Variants in NRG3 observed in about 807,000 individuals in gnomAD.
NRG3 encodes the protein neuregulin 3.
A neutral mutation model predicts 66.9 loss-of-function variants in NRG3; 31 were observed. That is an observed-to-expected ratio of 0.46 (90% CI 0.35 to 0.63). The LOEUF (loss-of-function observed/expected upper bound fraction) is 0.63. Ranked by LOEUF, NRG3 falls within the 20% of genes least tolerant of loss-of-function variation. The pLI is 0.00. For synonymous variants in NRG3, 393 were observed against 359.4 expected, an observed-to-expected ratio of 1.09 and a Z score of -1.06; for missense variants, 910 against 878.9, an observed-to-expected ratio of 1.04 and a Z score of -0.45.
At chr10:82,815,623 T>C in intron 3 of NRG3, among the ~76,000 whole-genome samples, 1 of 152,072 alleles carries the variant, frequency 6.6e-6, no homozygotes, top group East Asian at 1.9e-4. Context: ...CATTGTAACA[T>C]GTGTATATGT....
At chr10:81,918,974 A>AATACACAC (rs1845976769) in intron 1 of NRG3, among the ~76,000 whole-genome samples, 1 of 150,070 alleles carries the variant, frequency 6.7e-6, no homozygotes, top group South Asian at 2.1e-4. Flanking sequence ...ATCATAACAA[A>AATACACAC]ACACACACAC....
chr10:82,590,485 C>T (rs757085001), intron 2 of NRG3, among the ~76,000 whole-genome samples: 1 of 152,158 alleles, frequency 6.6e-6, no homozygotes, highest in Non-Finnish European at 1.5e-5. Context: ...ATATTGCCTA[C>T]TCAAAATGTG....
At chr10:82,899,467 G>A (rs1374638202) in intron 4 of NRG3, among the ~76,000 whole-genome samples, 2 of 152,158 alleles carry the variant, frequency 1.3e-5, no homozygotes, top group Non-Finnish European at 2.9e-5. Context: ...TACATAAATA[G>A]TGAATTTTTA....
intron 2 of NRG3, among the ~76,000 whole-genome samples, chr10:82,425,042 T>C (rs1342559871): frequency 6.6e-6 from 1 of 152,126 alleles, no homozygotes; most frequent in Non-Finnish European, 1.5e-5. Context: ...GCTGTGTTGA[T>C]TACTGCAAGT....
chr10:82,273,337 A>G (rs1455100228), intron 1 of NRG3, among the ~76,000 whole-genome samples: 2 of 152,026 alleles, frequency 1.3e-5, no homozygotes, highest in Non-Finnish European at 2.9e-5. Context: ...AGTTCTGTGT[A>G]TCTAGTGCCA....
chr10:82,081,817 G>T (rs2065413442), intron 1 of NRG3, among the ~76,000 whole-genome samples: 1 of 152,144 alleles, frequency 6.6e-6, no homozygotes, highest in South Asian at 2.1e-4. Flanking sequence ...ATTTACATAA[G>T]GAATGGCTTT....
At chr10:81,892,985 A>G (rs1028179575) in intron 1 of NRG3, among the ~76,000 whole-genome samples, 1 of 152,184 alleles carries the variant, frequency 6.6e-6, no homozygotes, top group Admixed American at 6.5e-5. Flanking sequence ...AAAAGAACAC[A>G]GCTCTGAGCT....
At chr10:82,511,583 G>A (rs1319524238) in intron 2 of NRG3, among the ~76,000 whole-genome samples, 3 of 152,048 alleles carry the variant, frequency 2.0e-5, no homozygotes, top group African/African-American at 4.8e-5. Context: ...GGGAAGAGTG[G>A]CACCAGATAG....
chr10:82,330,495 T>C (rs2082091879), intron 1 of NRG3, among the ~76,000 whole-genome samples: 1 of 152,218 alleles, frequency 6.6e-6, no homozygotes. Flanking sequence ...TGTAATTTAC[T>C]GAACTGTTCT....
intron 1 of NRG3, among the ~76,000 whole-genome samples, chr10:81,971,771 C>A (rs539750748): frequency 2.0e-5 from 3 of 152,074 alleles, no homozygotes; most frequent in Non-Finnish European, 2.9e-5. Flanking sequence ...TGCAGGGAGA[C>A]CATGGTGGCT....
At chr10:82,804,651 T>C (rs73307235) in intron 3 of NRG3, among the ~76,000 whole-genome samples, 1,826 of 152,324 alleles carry the variant, frequency 0.012, 32 homozygotes, top group African/African-American at 0.042. Context: ...TAAATGAGAA[T>C]GCATATGTGA....
At chr10:82,417,962 A>G (rs2088701507) in intron 2 of NRG3, among the ~76,000 whole-genome samples, 1 of 152,228 alleles carries the variant, frequency 6.6e-6, no homozygotes, top group African/African-American at 2.4e-5. Context: ...TAGAATAGTT[A>G]GTGTTATTTT....
At chr10:82,227,163 G>C in intron 1 of NRG3, among the ~76,000 whole-genome samples, 1 of 152,080 alleles carries the variant, frequency 6.6e-6, no homozygotes, top group East Asian at 1.9e-4. Flanking sequence ...ACTGCAGCTT[G>C]TACTTGGGCT....
chr10:81,975,539 G>C lies in NRG3; in HGVS notation c.823+99376G>C, dbSNP rs530270575. 4.6e-5 allele frequency among the ~76,000 whole-genome samples: 7 copies of C among 152,146 alleles called. No homozygotes were observed. The South Asian group carries it at 1.5e-3, about 32-fold the overall frequency. On this transcript the variant is annotated intron_variant, in intron 1 of 8. Coordinates refer to ENST00000372141, the MANE Select transcript of NRG3 (RefSeq NM_001010848.4). ...CAGCAACGAGTGGGAAAGTGAGATG[G>C]GGAAAAGGGAAAGGCAGGCCACAAA...
chr10:82,668,391 T>C (rs1369502678), intron 2 of NRG3, among the ~76,000 whole-genome samples: 1 of 152,212 alleles, frequency 6.6e-6, no homozygotes, highest in African/African-American at 2.4e-5. Context: ...ATTTTTAATG[T>C]ATTTTGTAAC....
intron 1 of NRG3, among the ~76,000 whole-genome samples, chr10:82,271,947 A>G (rs548206504): frequency 2.6e-5 from 4 of 152,204 alleles, no homozygotes; most frequent in African/African-American, 9.6e-5. Flanking sequence ...TCATGGGGCC[A>G]AGGTTCTATT....
chr10:82,672,952 T>C (rs910270446), intron 2 of NRG3, among the ~76,000 whole-genome samples: 1 of 152,204 alleles, frequency 6.6e-6, no homozygotes, highest in Non-Finnish European at 1.5e-5. Flanking sequence ...GGTTTTACCA[T>C]GTTGGCCAGG....
At chr10:82,472,739 T>C (rs1841391521) in intron 2 of NRG3, among the ~76,000 whole-genome samples, 1 of 152,238 alleles carries the variant, frequency 6.6e-6, no homozygotes, top group South Asian at 2.1e-4. Flanking sequence ...CAGGAATTAA[T>C]TAGTGTCCTA....
chr10:82,004,274 T>G (rs2061295984), intron 1 of NRG3, among the ~76,000 whole-genome samples: 1 of 152,200 alleles, frequency 6.6e-6, no homozygotes, highest in African/African-American at 2.4e-5. Flanking sequence ...TAATATAAAA[T>G]GTATTTCTTC....
Sources: allele counts gnomAD v4.1 joint callset (sites outside exome capture counted in the v4.1 genomes callset), GRCh38; gene constraint gnomAD v4.1.1; transcripts MANE v1.5; gene names NCBI Gene and HGNC (gene_info 2026-07-23, HGNC 2026-07-21).